The following FHIT variants were observed in gnomAD, a reference collection of about 807,000 sequenced individuals.
The protein encoded by FHIT is fragile histidine triad diadenosine triphosphatase.
Under a neutral mutation model 17.9 loss-of-function variants are expected in FHIT, and 19 were observed. The ratio of observed to expected loss-of-function variants is 1.06; its 90% CI spans 0.74 to 1.56. The LOEUF is 1.56. Among genes scored for constraint, FHIT ranks in the 40% most tolerant of loss-of-function variants. FHIT has a pLI of 0.00. For missense variants in FHIT, 248 were observed against 189.2 expected (o/e 1.31, Z -1.82); for synonymous variants, 81 against 69.7 (o/e 1.16, Z -0.81).
At chr3:59,816,433 A>G (rs561679182) in intron 8 of FHIT, among the ~76,000 whole-genome samples, 2 of 152,332 alleles carry the variant, frequency 1.3e-5, no homozygotes, top group East Asian at 3.9e-4. Flanking sequence ...CTTCCTTGGC[A>G]TGATTGGAGA....
chr3:60,767,860 T>A (rs1699907504), intron 4 of FHIT, among the ~76,000 whole-genome samples: 1 of 152,216 alleles, frequency 6.6e-6, no homozygotes, highest in African/African-American at 2.4e-5. Flanking sequence ...GGGTGTTGTT[T>A]TATCCACTGT....
At chr3:61,140,515 G>C (rs2037050525) in intron 2 of FHIT, among the ~76,000 whole-genome samples, 1 of 152,148 alleles carries the variant, frequency 6.6e-6, no homozygotes, top group African/African-American at 2.4e-5. Flanking sequence ...TAATCTCCTT[G>C]AGGGCAGGAA....
intron 4 of FHIT, among the ~76,000 whole-genome samples, chr3:60,799,382 C>T (rs1701105444): frequency 6.6e-6 from 1 of 152,222 alleles, no homozygotes; most frequent in South Asian, 2.1e-4. Context: ...CCATGTTGGT[C>T]AGGCTGGTCT....
At chr3:59,767,031 C>T (rs1390893928) in intron 8 of FHIT, among the ~76,000 whole-genome samples, 2 of 152,272 alleles carry the variant, frequency 1.3e-5, no homozygotes, top group East Asian at 3.9e-4. Context: ...GATTTTCTGG[C>T]ATCCCAGATG....
chr3:59,985,790 C>T (rs553790337), intron 7 of FHIT, among the ~76,000 whole-genome samples: 1 of 152,122 alleles, frequency 6.6e-6, no homozygotes, highest in African/African-American at 2.4e-5. Context: ...CACTTTCACA[C>T]TGAGCCTAGG....
chr3:60,232,094 G>C (rs1182365078), intron 5 of FHIT, among the ~76,000 whole-genome samples: 1 of 152,174 alleles, frequency 6.6e-6, no homozygotes, highest in Non-Finnish European at 1.5e-5. Context: ...GGAACTTGTA[G>C]TAGAAATGGT....
chr3:60,761,343 T>C (rs984358340), intron 4 of FHIT, among the ~76,000 whole-genome samples: 14 of 152,358 alleles, frequency 9.2e-5, no homozygotes, highest in South Asian at 6.2e-4. Context: ...AGCACATGCA[T>C]GTCTCAGAGA....
chr3:60,232,969 C>A (rs1370179361), intron 5 of FHIT, among the ~76,000 whole-genome samples: 1 of 152,094 alleles, frequency 6.6e-6, no homozygotes. Flanking sequence ...TTCTGATGTT[C>A]TAGAGATCTA....
intron 1 of FHIT, among the ~76,000 whole-genome samples, chr3:61,204,931 A>G (rs9856859): frequency 0.43 from 63,935 of 148,924 alleles, 14,169 homozygotes; most frequent in East Asian, 0.57. Flanking sequence ...CCATTAACTC[A>G]TCATCTAGCA....
At chr3:60,015,564 G>A (rs929338677) in intron 5 of FHIT, among the ~76,000 whole-genome samples, 1 of 152,094 alleles carries the variant, frequency 6.6e-6, no homozygotes, top group African/African-American at 2.4e-5. Context: ...CTCCCACGAA[G>A]CTGCTTTTTC....
chr3:60,591,397 C>T (rs1553664212), intron 4 of FHIT, among the ~76,000 whole-genome samples: 3 of 150,014 alleles, frequency 2.0e-5, no homozygotes, highest in Admixed American at 6.7e-5. Flanking sequence ...CAGACTGAGA[C>T]GTATTTTCCT....
intron 8 of FHIT, among the ~76,000 whole-genome samples, chr3:59,904,056 T>C (rs1351553445): frequency 1.3e-5 from 2 of 151,836 alleles, no homozygotes; most frequent in Non-Finnish European, 2.9e-5. Flanking sequence ...CACAAAATAG[T>C]GGCTACTTCT....
At chr3:60,092,261 A>G (rs76269558) in intron 5 of FHIT, among the ~76,000 whole-genome samples, 2,201 of 152,260 alleles carry the variant, frequency 0.014, 49 homozygotes, top group African/African-American at 0.049. Flanking sequence ...TGATTTGGTT[A>G]TATCTGCTTG....
chr3:60,849,441 A>AAAATATAT lies in FHIT; in HGVS notation c.-110-27431_-110-27430insATATATTT, dbSNP rs1553747602. On this transcript the variant is annotated intron_variant, in intron 3 of 9. Coordinates refer to ENST00000492590, the MANE Select transcript of FHIT (RefSeq NM_002012.4). ...AGGACTTTTGTTAATACAAAAATGA[A>AAAATATAT]ATATATATATATATATATATATAAA... is the stretch of plus-strand genomic sequence containing the variant. Among the ~76,000 whole-genome samples, 18 of 137,700 alleles carry AAAATATAT rather than the reference A, an allele frequency of 1.3e-4. No individual in the cohort carries two copies. The South Asian group carries it at 4.3e-3, about 33-fold the overall frequency. The allele number at this position is 137,700 out of a possible 152,430, so 90.3% of individuals were successfully genotyped here. A position where few individuals can be genotyped will look rare whatever the true frequency, so the allele number is the denominator to read the frequency against.
intron 5 of FHIT, among the ~76,000 whole-genome samples, chr3:60,130,789 G>GTATATA (rs1395189482): frequency 0.022 from 2,953 of 136,070 alleles, 75 homozygotes; most frequent in Middle Eastern, 0.028. Context: ...TGTGTGGTGT[G>GTATATA]TATATACACA....
chr3:60,066,416 G>A (rs1702507121), intron 5 of FHIT, among the ~76,000 whole-genome samples: 2 of 151,990 alleles, frequency 1.3e-5, no homozygotes, highest in Admixed American at 1.3e-4. Context: ...GCTAATTAGA[G>A]CACTTTGTCA....
chr3:60,263,339 T>C (rs902457497), intron 5 of FHIT, among the ~76,000 whole-genome samples: 2 of 151,994 alleles, frequency 1.3e-5, no homozygotes, highest in Non-Finnish European at 2.9e-5. Flanking sequence ...GTAATTCCAC[T>C]TGTAGGTATG....
At chr3:60,205,445 C>T (rs1310876335) in intron 5 of FHIT, among the ~76,000 whole-genome samples, 1 of 152,140 alleles carries the variant, frequency 6.6e-6, no homozygotes, top group African/African-American at 2.4e-5. Flanking sequence ...AAGATAATAA[C>T]TTTTATCTAA....
At chr3:60,984,957 G>A (rs933578805) in intron 3 of FHIT, among the ~76,000 whole-genome samples, 2 of 152,094 alleles carry the variant, frequency 1.3e-5, no homozygotes, top group African/African-American at 4.8e-5. Context: ...TCAACATTCA[G>A]TATGCATACA....
Sources: gnomAD v4.1 joint callset for allele counts (sites outside exome capture counted in the v4.1 genomes callset) on GRCh38, gnomAD v4.1.1 for gene constraint, MANE v1.5 for transcripts, NCBI Gene and HGNC (gene_info 2026-07-23, HGNC 2026-07-21) for gene names.